SLC9A3: variants seen among roughly 807,000 people sequenced by gnomAD.
SLC9A3 encodes sodium/hydrogen exchanger 3.
In SLC9A3, 37 loss-of-function variants were observed where a neutral mutation model predicts 86.8. The ratio of observed to expected loss-of-function variants is 0.43; its 90% CI spans 0.33 to 0.56. The LOEUF (loss-of-function observed/expected upper bound fraction) is 0.56. Among genes scored for constraint, SLC9A3 ranks in the 20% least tolerant of loss-of-function variants. The pLI is 0.06. For synonymous variants in SLC9A3, 581 were observed against 528.3 expected (o/e 1.10, Z -1.37); for missense variants, 1,011 against 1,171.9 (o/e 0.86, Z 2.00).
At chr5:500,304 G>A (rs575068014) in intron 1 of SLC9A3, among the ~76,000 whole-genome samples, 25 of 152,350 alleles carry the variant, frequency 1.6e-4, no homozygotes, top group Middle Eastern at 3.4e-3. Context: ...ACCGGCTTCC[G>A]GCACCACTGG....
chr5:489,660 C>T (rs577776611), intron 2 of SLC9A3, among the ~76,000 whole-genome samples: 18 of 152,322 alleles, frequency 1.2e-4, no homozygotes, highest in Non-Finnish European at 1.6e-4. Context: ...CATGTTGGAA[C>T]GGGAACCACA....
chr5:520,652 G>C (rs2126660750), intron 1 of SLC9A3, among the ~76,000 whole-genome samples: 1 of 152,244 alleles, frequency 6.6e-6, no homozygotes, highest in South Asian at 2.1e-4. Context: ...GGGGACCAAA[G>C]TCCTCCAAGG....
intron 16 of SLC9A3, among the ~76,000 whole-genome samples, chr5:473,806 CT>C (rs1738539439): frequency 6.6e-6 from 1 of 152,358 alleles, no homozygotes; most frequent in South Asian, 2.1e-4. Flanking sequence ...CTGCTCTGAG[CT>C]GGAGGCAGAG....
intron 1 of SLC9A3, among the ~76,000 whole-genome samples, chr5:504,213 C>T (rs950996397): frequency 1.4e-5 from 2 of 145,494 alleles, no homozygotes; most frequent in African/African-American, 5.2e-5. Context: ...CGGAAGGCAT[C>T]GCTGTGGGGC....
rs575685116 is a variant in SLC9A3 at position 516,749 on chromosome 5, G to C, written c.211+7363C>G. Among the ~76,000 whole-genome samples, 20 of 152,376 alleles carry C rather than the reference G, an allele frequency of 1.3e-4. No individual in the cohort carries two copies. The South Asian group carries it at 3.9e-3, about 30-fold the overall frequency. ...CCATGCTGAGCCCAGATCTGCCAAA[G>C]TGCTCTGAGCCGATGCTGCAATTGC... On this transcript the variant is annotated intron_variant, in intron 1 of 16. Coordinates refer to ENST00000264938, the MANE Select transcript of SLC9A3 (RefSeq NM_004174.4).
At position 507,166 on chromosome 5, in the gene SLC9A3, C is replaced by CTTTT. The variant is rs778066069; in HGVS notation, c.212-15099_212-15096dup. ...AGAAGGAGGGATCCGGCTGCTGCTT[C>CTTTT]TTTTTTTTTTTTTTTTTTTTGAGAC... On this transcript the variant is annotated intron_variant, in intron 1 of 16. Transcript: ENST00000264938. Among the ~76,000 whole-genome samples the CTTTT allele has an allele frequency of 1.5e-3, 47 of 30,638 alleles. 21 individuals are homozygous for CTTTT. The highest frequency in any genetic ancestry group is 3.8e-3 in the South Asian group (5 of 1,320). The allele number at this position is 30,638 out of a possible 152,430, so 20.1% of individuals were successfully genotyped here.
Position 472,193 on chromosome 5 carries a change from CTGGA to C in SLC9A3, c.*1182_*1185del, listed in dbSNP as rs1164374564. ...TGGACTGTGCCTCCCAGAGCTTGGG[CTGGA>C]TGGTCTCCCTGCAGAGGACCAGGAG... On this transcript the variant is annotated 3_prime_UTR_variant, in exon 17 of 17. Transcript: ENST00000264938. 9 of 363,696 alleles carry C rather than the reference CTGGA, an allele frequency of 2.5e-5. No homozygotes were observed. In the East Asian group the frequency reaches 6.6e-4, roughly 26 times the overall value. 22.5% of individuals were successfully genotyped at this position (363,696 alleles called of 1,614,324 possible).
intron 2 of SLC9A3, among the ~76,000 whole-genome samples, chr5:490,380 G>A (rs1739678641): frequency 1.3e-5 from 2 of 151,980 alleles, no homozygotes; most frequent in South Asian, 4.1e-4. Context: ...CTGGTGTGGG[G>A]AGTCCTCCAG....
intron 1 of SLC9A3, among the ~76,000 whole-genome samples, chr5:506,926 C>A (rs2126646043): frequency 1.3e-5 from 2 of 150,124 alleles, no homozygotes; most frequent in African/African-American, 4.9e-5. Context: ...CAAAAATTAG[C>A]CAGGAGTGGT....
intron 1 of SLC9A3, 151 bp downstream of exon 1, chr5:523,961 A>G (rs1362085247): frequency 6.9e-6 from 3 of 434,512 alleles, no homozygotes; most frequent in Admixed American, 4.5e-5. Context: ...GTCGCTCCCG[A>G]GTCTCGCTCT....
intron 1 of SLC9A3, among the ~76,000 whole-genome samples, chr5:517,451 A>T (rs974208207): frequency 1.4e-5 from 2 of 146,248 alleles, no homozygotes; most frequent in African/African-American, 5.1e-5. Context: ...TCACTCATCC[A>T]TTCATCCAAG....
chr5:475,323 A>T (rs1738652871), intron 15 of SLC9A3, 191 bp from the exon 16 acceptor site: 1 of 638,482 alleles, frequency 1.6e-6, no homozygotes, highest in Non-Finnish European at 2.7e-6. Context: ...AGCACAGGTA[A>T]CGTCTCGCTT....
At chr5:519,501 G>A (rs1377089533) in intron 1 of SLC9A3, among the ~76,000 whole-genome samples, 1 of 152,214 alleles carries the variant, frequency 6.6e-6, no homozygotes, top group African/African-American at 2.4e-5. Flanking sequence ...AGTGCCCGGT[G>A]GAAGGCTGCA....
intron 2 of SLC9A3, among the ~76,000 whole-genome samples, 181 bp from the exon 3 acceptor site, chr5:488,657 C>T (rs892514476): frequency 6.6e-6 from 1 of 152,272 alleles, no homozygotes; most frequent in African/African-American, 2.4e-5. Flanking sequence ...CCAGGGAAGG[C>T]TGCTGTCTTC....
intron 1 of SLC9A3, among the ~76,000 whole-genome samples, chr5:513,984 TCCG>T: frequency 6.6e-6 from 1 of 152,220 alleles, no homozygotes; most frequent in Non-Finnish European, 1.5e-5. Context: ...CCGAGCCAGT[TCCG>T]CCTGAAGAGA....
chr5:502,280 C>T (rs1740312878), intron 1 of SLC9A3, among the ~76,000 whole-genome samples: 3 of 152,186 alleles, frequency 2.0e-5, no homozygotes, highest in African/African-American at 7.2e-5. Flanking sequence ...GCCGCTCCGG[C>T]CCCCCACCCC....
Position 473,312 on chromosome 5 carries a change from G to T in SLC9A3, c.*67C>A, listed in dbSNP as rs1579756955. 2 of 1,326,466 alleles carry T rather than the reference G, an allele frequency of 1.5e-6. No individual in the cohort carries two copies. The highest frequency in any genetic ancestry group is 3.1e-5 in the East Asian group (1 of 31,912). The allele number at this position is 1,326,466 out of a possible 1,614,324, so 82.2% of individuals were successfully genotyped here. On this transcript the variant is annotated 3_prime_UTR_variant, in exon 17 of 17. Coordinates refer to ENST00000264938, the MANE Select transcript of SLC9A3 (RefSeq NM_004174.4). ...GGATCTGGGGTTTCTCTGGGACAGCGGCGGCGGCGGTGGGCGGACCGTGGC... is the reference window on the plus strand; with the variant it reads ...GGATCTGGGGTTTCTCTGGGACAGCTGCGGCGGCGGTGGGCGGACCGTGGC...
At chr5:481,102 C>A (rs757450531) in intron 9 of SLC9A3, among the ~76,000 whole-genome samples, 3 of 152,178 alleles carry the variant, frequency 2.0e-5, no homozygotes, top group African/African-American at 7.2e-5. Flanking sequence ...GTTGGCTAGG[C>A]TGGTCTCAAA....
chr5:477,242 A>G, intron 11 of SLC9A3, 90 bp downstream of exon 11: 1 of 877,336 alleles, frequency 1.1e-6, no homozygotes, highest in South Asian at 1.7e-5. Context: ...TGCCACCCCC[A>G]GGCCAGGAGC....
Sources: allele counts gnomAD v4.1 joint callset (sites outside exome capture counted in the v4.1 genomes callset), GRCh38; gene constraint gnomAD v4.1.1; transcripts MANE v1.5; gene names NCBI Gene and HGNC (gene_info 2026-07-23, HGNC 2026-07-21).